GRM5: variants seen among roughly 807,000 people sequenced by gnomAD.
GRM5 encodes metabotropic glutamate receptor 5.
In GRM5, 19 loss-of-function variants were observed where a neutral mutation model predicts 83.1. The observed-to-expected ratio is 0.23, with a 90% confidence interval of 0.16 to 0.34. The LOEUF (loss-of-function observed/expected upper bound fraction) is 0.34. GRM5 is among the 10% of genes least tolerant of loss of function. The probability of loss-of-function intolerance (pLI) is 1.00; values close to 1 mark genes in which losing one functional copy is unlikely to be tolerated. For synonymous variants in GRM5, 675 were observed against 633.6 expected (o/e 1.07, Z -0.98); for missense variants, 1,160 against 1,588.3 (o/e 0.73, Z 4.58).
At chr11:88,723,796 TC>T (rs1394644809) in intron 3 of GRM5, among the ~76,000 whole-genome samples, 1 of 152,120 alleles carries the variant, frequency 6.6e-6, no homozygotes, top group African/African-American at 2.4e-5. Context: ...TCATGCTTAC[TC>T]TTGTAGCATC....
chr11:88,746,835 T>G (rs949156132), intron 3 of GRM5, among the ~76,000 whole-genome samples: 22 of 152,106 alleles, frequency 1.4e-4, no homozygotes, highest in African/African-American at 5.1e-4. Flanking sequence ...CTGTTGCCAA[T>G]ATCAAAACTT....
At chr11:88,998,784 G>A (rs1940274976) in intron 2 of GRM5, among the ~76,000 whole-genome samples, 2 of 152,074 alleles carry the variant, frequency 1.3e-5, no homozygotes, top group East Asian at 1.9e-4. Context: ...TTATATACTA[G>A]CAATGAGCAT....
chr11:89,049,193 A>G (rs1354308189), intron 1 of GRM5, among the ~76,000 whole-genome samples: 1 of 152,156 alleles, frequency 6.6e-6, no homozygotes, highest in Non-Finnish European at 1.5e-5. Flanking sequence ...CTAAGGCTCA[A>G]AGGCTAAAAG....
intron 2 of GRM5, among the ~76,000 whole-genome samples, chr11:88,922,607 C>T (rs1418038347): frequency 1.3e-5 from 2 of 152,026 alleles, no homozygotes; most frequent in Non-Finnish European, 2.9e-5. Context: ...AATCTGAGAC[C>T]TTAAGCTACA....
intron 3 of GRM5, among the ~76,000 whole-genome samples, chr11:88,827,462 T>C (rs999666612): frequency 5.9e-5 from 9 of 152,272 alleles, no homozygotes; most frequent in African/African-American, 1.7e-4. Flanking sequence ...CTTCTTGCTA[T>C]GTAAACTTTG....
intron 8 of GRM5, among the ~76,000 whole-genome samples, chr11:88,549,499 A>G (rs557630381): frequency 1.3e-5 from 2 of 151,880 alleles, no homozygotes; most frequent in South Asian, 4.2e-4. Context: ...CCCCCCAGAG[A>G]ACAAACAACA....
intron 3 of GRM5, among the ~76,000 whole-genome samples, chr11:88,659,581 A>G (rs922382540): frequency 2.6e-5 from 4 of 152,210 alleles, no homozygotes; most frequent in African/African-American, 7.2e-5. Flanking sequence ...AAGTATTTTA[A>G]CTTTATAATT....
intron 3 of GRM5, among the ~76,000 whole-genome samples, chr11:88,669,835 C>T (rs938989579): frequency 2.0e-5 from 3 of 151,152 alleles, no homozygotes; most frequent in African/African-American, 4.8e-5. Flanking sequence ...GAATAATGTA[C>T]AGTTAATTCT....
intron 4 of GRM5, among the ~76,000 whole-genome samples, chr11:88,636,258 T>C (rs1939116148): frequency 6.6e-6 from 1 of 152,206 alleles, no homozygotes; most frequent in Non-Finnish European, 1.5e-5. Flanking sequence ...ACGCTTGTAA[T>C]CCCAGCACTT....
intron 2 of GRM5, among the ~76,000 whole-genome samples, chr11:89,029,145 T>G (rs1440375007): frequency 6.6e-6 from 1 of 152,186 alleles, no homozygotes; most frequent in Non-Finnish European, 1.5e-5. Flanking sequence ...ATTCCATGGT[T>G]TATATGTGCC....
chr11:88,605,031 G>A, intron 4 of GRM5, 67 bp from the exon 5 acceptor site: 1 of 1,287,342 alleles, frequency 7.8e-7, no homozygotes. Flanking sequence ...CCTGGGTACT[G>A]AATAATGGGT....
At chr11:88,817,790 A>G (rs1179005223) in intron 3 of GRM5, among the ~76,000 whole-genome samples, 2 of 152,150 alleles carry the variant, frequency 1.3e-5, no homozygotes, top group African/African-American at 2.4e-5. Flanking sequence ...TATAATAATC[A>G]TTATGCATAA....
intron 2 of GRM5, among the ~76,000 whole-genome samples, chr11:88,902,303 T>G (rs1387269875): frequency 6.6e-6 from 1 of 152,062 alleles, no homozygotes; most frequent in Non-Finnish European, 1.5e-5. Context: ...TCATGTGGAC[T>G]TGGGAACATT....
chr11:88,508,768 G>T lies in GRM5; in HGVS notation c.3463C>A (p.Pro1155Thr). ...AGAGCCACCAGCTCCTCCAGGTCTG[G>T]CTTGGCGGCCGCAGCCTCGGGACCG... The part of the protein sequence containing the change: ...AAGPEAAAAK[P>T]DLEELVALTP... The change falls in exon 10 of 10, where the codon CCA becomes ACA. Residue 1155 changes from proline to threonine, a missense_variant. By Grantham distance (38) the Pro-to-Thr change is conservative (BLOSUM62 -1). Around this residue, in one of 9 missense-constraint regions of GRM5, gnomAD observed 562 missense variants for 532.4 expected, o/e 1.06. Coordinates refer to ENST00000305447, the MANE Select transcript of GRM5 (RefSeq NM_001143831.3). The surrounding 1 kb of genome is among the most constrained non-coding windows in gnomAD (Gnocchi z 4.2). The T allele has an allele frequency of 6.7e-7, 1 of 1,496,540 alleles. No homozygotes were observed. The highest frequency in any genetic ancestry group is 8.8e-7 in the Non-Finnish European group (1 of 1,130,290). The allele number at this position is 1,496,540 out of a possible 1,614,324, so 92.7% of individuals were successfully genotyped here.
intron 1 of GRM5, among the ~76,000 whole-genome samples, chr11:89,060,885 T>G (rs1392302898): frequency 2.0e-5 from 3 of 152,196 alleles, no homozygotes; most frequent in Non-Finnish European, 2.9e-5. Context: ...ACTAAAAATA[T>G]TTCTTTTGAT....
At chr11:89,049,846 A>G (rs1323916750) in intron 1 of GRM5, among the ~76,000 whole-genome samples, 3 of 152,230 alleles carry the variant, frequency 2.0e-5, no homozygotes, top group African/African-American at 7.2e-5. Flanking sequence ...AGTCATTTGA[A>G]TATTACCAAA....
chr11:88,948,056 G>A, intron 2 of GRM5, among the ~76,000 whole-genome samples: 1 of 152,126 alleles, frequency 6.6e-6, no homozygotes, highest in Admixed American at 6.6e-5. Flanking sequence ...AGGATAGGTG[G>A]AGGAGAAGGG....
chr11:88,796,131 T>G (rs893104052), intron 3 of GRM5, among the ~76,000 whole-genome samples: 4 of 152,114 alleles, frequency 2.6e-5, no homozygotes, highest in Non-Finnish European at 4.4e-5. Flanking sequence ...CCAACGTAAT[T>G]TAAAATAAGT....
At chr11:88,752,156 T>C (rs981037174) in intron 3 of GRM5, among the ~76,000 whole-genome samples, 12 of 152,148 alleles carry the variant, frequency 7.9e-5, no homozygotes, top group African/African-American at 2.9e-4. Context: ...AGAGAAAAAG[T>C]CAAATTATCT....
Sources: allele counts gnomAD v4.1 joint callset (sites outside exome capture counted in the v4.1 genomes callset), GRCh38; gene constraint gnomAD v4.1.1; regional missense constraint gnomAD v4.1.1; non-coding constraint Gnocchi (gnomAD v3.1); transcripts MANE v1.5; gene names NCBI Gene and HGNC (gene_info 2026-07-23, HGNC 2026-07-21).